Variants in AADAT observed in about 807,000 individuals in gnomAD.
The protein encoded by AADAT is aminoadipate aminotransferase.
AADAT carries 25 observed loss-of-function variants against 56.2 expected under a neutral mutation model. The ratio of observed to expected loss-of-function variants is 0.44; its 90% CI spans 0.32 to 0.62. The LOEUF (loss-of-function observed/expected upper bound fraction) is 0.62. AADAT is among the 20% of genes least tolerant of loss of function. The pLI, the probability that AADAT is intolerant of heterozygous loss-of-function variation, is 0.04. For missense variants in AADAT, 387 were observed against 510.5 expected (o/e 0.76, Z 2.33); for synonymous variants, 173 against 164.7 (o/e 1.05, Z -0.39).
At chr4:170,070,494 TCTGACTCAGCAGTCAGCCTAATA>T (rs1731704302) in intron 6 of AADAT, 70 bp downstream of exon 6, 1 of 837,132 alleles carries the variant, frequency 1.2e-6, no homozygotes, top group East Asian at 2.7e-5. Flanking sequence ...GTGGATTAGT[TCTGACTCAGCAGTCAGCCTAATA>T]CCCAACACAG....
chr4:170,087,277 A>G, intron 2 of AADAT, 29 bp from the exon 3 acceptor site: 1 of 1,597,210 alleles, frequency 6.3e-7, no homozygotes. Flanking sequence ...ATTTAAATTC[A>G]TAGTAGTAAA....
chr4:170,093,779 G>T (rs1732935808), upstream of AADAT, among the ~76,000 whole-genome samples: 1 of 152,102 alleles, frequency 6.6e-6, no homozygotes, highest in Non-Finnish European at 1.5e-5. Flanking sequence ...AAAATACCTT[G>T]TAGAGACAGG....
chr4:170,067,302 A>C (rs201801559), intron 9 of AADAT, 25 bp downstream of exon 9: 6 of 1,586,722 alleles, frequency 3.8e-6, no homozygotes, highest in Non-Finnish European at 3.5e-6. Flanking sequence ...TTTGTTCATA[A>C]ATATTTAAAG....
At chr4:170,092,268 G>A (rs1400179391), upstream of AADAT, among the ~76,000 whole-genome samples, 1 of 152,202 alleles carries the variant, frequency 6.6e-6, no homozygotes, top group African/African-American at 2.4e-5. Flanking sequence ...TTGCTTTTAT[G>A]AGTTGTAACA....
intron 11 of AADAT, 83 bp from the exon 12 acceptor site, chr4:170,062,076 G>A: frequency 3.6e-6 from 3 of 842,978 alleles, no homozygotes; most frequent in Admixed American, 2.8e-5. Context: ...CTCAGAGTAG[G>A]GAAGGATGTT....
At chr4:170,092,353 C>T (rs1045795160), upstream of AADAT, among the ~76,000 whole-genome samples, 5 of 152,212 alleles carry the variant, frequency 3.3e-5, no homozygotes, top group African/African-American at 4.8e-5. Flanking sequence ...TAAACAAATC[C>T]AGCCGAGCTG....
At chr4:170,080,118 T>A (rs76029311) in intron 3 of AADAT, among the ~76,000 whole-genome samples, 10,127 of 152,196 alleles carry the variant, frequency 0.067, 477 homozygotes, top group Non-Finnish European at 0.1. Flanking sequence ...AATGGTGGTG[T>A]AGAAGCAAGT....
chr4:170,062,367 A>G (rs112657163), intron 11 of AADAT, among the ~76,000 whole-genome samples: 175 of 152,342 alleles, frequency 1.1e-3, no homozygotes, highest in Non-Finnish European at 2.1e-3. Flanking sequence ...TTTTAAGTTA[A>G]TAAGTCTGAA....
rs1731556640 is a variant in AADAT at position 170,067,926 on chromosome 4, GC to G, written c.901-539del. Among the ~76,000 whole-genome samples, 4 of 152,206 alleles carry G rather than the reference GC, an allele frequency of 2.6e-5. No individual in the cohort carries two copies. In the South Asian group the frequency reaches 8.3e-4, roughly 32 times the overall value. ...GCCCAACAGGGGTGGATCACCAGAGGCCAGGAGTTAGAGACCAGCCTGGCTA... is the reference window on the plus strand; with the variant it reads ...GCCCAACAGGGGTGGATCACCAGAGGCAGGAGTTAGAGACCAGCCTGGCTA... On this transcript the variant is annotated intron_variant, in intron 8 of 12. Transcript: ENST00000337664.
In AADAT at chr4:170,060,383, C is replaced by T. The variant is rs1233020217; in HGVS notation, c.*545G>A. 2.6e-5 allele frequency: 4 copies of T among 152,138 alleles called. No individual in the cohort carries two copies. Among genetic ancestry groups the T allele is most frequent in the African/African-American group, 7.2e-5 (3 of 41,436 alleles). The allele number at this position is 152,138 out of a possible 1,614,324, so 9.4% of individuals were successfully genotyped here. A position where few individuals can be genotyped will look rare whatever the true frequency, so the allele number is the denominator to read the frequency against. ...AAGTAGAAAAAGTACACATTATATACCATTTTGCACTTAATTACTTCTTTA... is the reference window on the plus strand; with the variant it reads ...AAGTAGAAAAAGTACACATTATATATCATTTTGCACTTAATTACTTCTTTA... On this transcript the variant is annotated 3_prime_UTR_variant, in exon 13 of 13. Transcript: ENST00000337664.
At chr4:170,089,164 G>C (rs376887171) in intron 1 of AADAT, 2 of 288,390 alleles carry the variant, frequency 6.9e-6, no homozygotes, top group Non-Finnish European at 1.4e-5. Context: ...AAGGCAGAGG[G>C]ATCAGAAAGA....
At chr4:170,092,456 C>G (rs776090264), upstream of AADAT, among the ~76,000 whole-genome samples, 5 of 152,214 alleles carry the variant, frequency 3.3e-5, no homozygotes, top group Non-Finnish European at 5.9e-5. Context: ...AAACTCCCAA[C>G]ACATCCGAAC....
At position 170,088,419 on chromosome 4, in the gene AADAT, T is replaced by C. The variant is rs781046160; in HGVS notation, c.213A>G (p.Ala71=). 1.2e-6 allele frequency: 2 copies of C among 1,608,930 alleles called. No homozygotes were observed. Among genetic ancestry groups the C allele is most frequent in the Non-Finnish European group, 1.7e-6 (2 of 1,175,632 alleles). The change falls in exon 2 of 13, where the codon GCA becomes GCG. Residue 71 remains alanine, a synonymous_variant. Coordinates refer to ENST00000337664, the MANE Select transcript of AADAT (RefSeq NM_016228.4). ...ACCCAGCACTCGGAGAATACTGAAG[T>C]GCTCTCTTCATCATCTCTTCTCCAA... ...IQFGEEMMKR[A]LQYSPSAGIP... is the part of the protein sequence containing the mutation.
At chr4:170,067,516 A>G in intron 8 of AADAT, 128 bp from the exon 9 acceptor site, 1 of 623,150 alleles carries the variant, frequency 1.6e-6, no homozygotes, top group East Asian at 2.8e-5. Flanking sequence ...AGCCTAGCTT[A>G]TATAGTCAGT....
intron 3 of AADAT, among the ~76,000 whole-genome samples, chr4:170,082,841 T>C (rs769995711): frequency 3.9e-5 from 6 of 151,964 alleles, no homozygotes; most frequent in Non-Finnish European, 8.8e-5. Context: ...AAGGTCACTA[T>C]ATAATGATAA....
At chr4:170,093,496 T>C (rs925651137), upstream of AADAT, among the ~76,000 whole-genome samples, 2 of 152,142 alleles carry the variant, frequency 1.3e-5, no homozygotes, top group Admixed American at 6.5e-5. Context: ...GTCAAAGGAA[T>C]TTGGAGTGCT....
intron 3 of AADAT, among the ~76,000 whole-genome samples, chr4:170,082,319 C>T (rs1732357043): frequency 6.6e-6 from 1 of 152,050 alleles, no homozygotes; most frequent in South Asian, 2.1e-4. Flanking sequence ...TTGTTTGCTT[C>T]TCCAAGATAA....
At chr4:170,062,643 C>T (rs1731250714) in intron 11 of AADAT, among the ~76,000 whole-genome samples, 1 of 152,222 alleles carries the variant, frequency 6.6e-6, no homozygotes, top group African/African-American at 2.4e-5. Flanking sequence ...AGCTCCATTT[C>T]CTCTTCTTCC....
chr4:170,083,312 T>C (rs1334820452), intron 3 of AADAT, among the ~76,000 whole-genome samples: 6 of 151,910 alleles, frequency 3.9e-5, no homozygotes. Context: ...CAGAAGGAAA[T>C]TAAAAGTTTT....
Sources: allele counts gnomAD v4.1 joint callset (sites outside exome capture counted in the v4.1 genomes callset), GRCh38; gene constraint gnomAD v4.1.1; transcripts MANE v1.5; gene names NCBI Gene and HGNC (gene_info 2026-07-23, HGNC 2026-07-21).